The following DSCAM variants were observed in gnomAD, a reference collection of about 807,000 sequenced individuals.
DSCAM encodes cell adhesion molecule DSCAM.
A neutral mutation model predicts 217.7 loss-of-function variants in DSCAM; 47 were observed. The ratio of observed to expected loss-of-function variants is 0.22; its 90% CI spans 0.17 to 0.28. The LOEUF (loss-of-function observed/expected upper bound fraction) is 0.28. DSCAM is among the 10% of genes least tolerant of loss of function. The pLI is 1.00. For missense variants in DSCAM, 2,080 were observed against 2,618.3 expected (o/e 0.79, Z 4.49); for synonymous variants, 1,056 against 1,015.3 (o/e 1.04, Z -0.76).
At chr21:40,057,873 C>CTTTTTTTTTT (rs71186913) in intron 28 of DSCAM, among the ~76,000 whole-genome samples, 5 of 107,208 alleles carry the variant, frequency 4.7e-5, no homozygotes, top group South Asian at 3.5e-4. Context: ...TCACTGCAGT[C>CTTTTTTTTTT]TTTTTTTTTT....
At chr21:40,500,935 G>A (rs1339693962) in intron 3 of DSCAM, among the ~76,000 whole-genome samples, 4 of 151,984 alleles carry the variant, frequency 2.6e-5, no homozygotes, top group African/African-American at 9.7e-5. Context: ...TGGGCTTGGA[G>A]AGGCAATATG....
intron 1 of DSCAM, among the ~76,000 whole-genome samples, chr21:40,800,000 GA>G (rs2091725315): frequency 6.6e-6 from 1 of 152,144 alleles, no homozygotes; most frequent in South Asian, 2.1e-4. Context: ...TCCATTTATT[GA>G]TTAATAGATT....
chr21:40,342,626 G>GTGTGTGTATA (rs1491362590), intron 6 of DSCAM, among the ~76,000 whole-genome samples: 1 of 94,720 alleles, frequency 1.1e-5, no homozygotes, highest in African/African-American at 5.0e-5. Context: ...GTGTGTGTGT[G>GTGTGTGTATA]TATATATATA....
chr21:40,143,021 A>G (rs1018740697), intron 17 of DSCAM, among the ~76,000 whole-genome samples: 4 of 152,168 alleles, frequency 2.6e-5, no homozygotes, highest in African/African-American at 9.7e-5. Context: ...CTGAGTAGAA[A>G]ATCATTGTTT....
intron 18 of DSCAM, among the ~76,000 whole-genome samples, chr21:40,139,810 GGTGT>G (rs748843244): frequency 6.7e-6 from 1 of 150,208 alleles, no homozygotes; most frequent in Middle Eastern, 3.2e-3. Flanking sequence ...GTGTATGTGT[GGTGT>G]GTGTGTGTGG....
intron 1 of DSCAM, among the ~76,000 whole-genome samples, chr21:40,820,796 G>A (rs1361511903): frequency 6.6e-6 from 1 of 152,038 alleles, no homozygotes; most frequent in Non-Finnish European, 1.5e-5. Context: ...CAAGATTTAT[G>A]CCCACTTAAA....
Position 40,276,363 on chromosome 21 carries a change from G to T in DSCAM, c.2183-93C>A, listed in dbSNP as rs557271466. On this transcript the variant is annotated intron_variant, in intron 10 of 32. Transcript: ENST00000400454. ...AGTACACACAGACTCATAAAGAGATGCTTCACACTGATCCCATAAGGCAGT... is the reference window on the plus strand; with the variant it reads ...AGTACACACAGACTCATAAAGAGATTCTTCACACTGATCCCATAAGGCAGT... 9 of 1,142,410 alleles carry T rather than the reference G, an allele frequency of 7.9e-6. No individual in the cohort carries two copies. In the Admixed American group the frequency reaches 9.5e-5, roughly 12 times the overall value. The allele number at this position is 1,142,410 out of a possible 1,614,324, so 70.8% of individuals were successfully genotyped here.
intron 3 of DSCAM, among the ~76,000 whole-genome samples, chr21:40,430,230 A>G (rs550284481): frequency 3.9e-4 from 60 of 152,348 alleles, no homozygotes; most frequent in African/African-American, 1.4e-3. Flanking sequence ...AAGTTGATGT[A>G]GAGACAGCTG....
At chr21:40,608,817 TGTACCAG>T (rs2089276368) in intron 3 of DSCAM, among the ~76,000 whole-genome samples, 1 of 152,210 alleles carries the variant, frequency 6.6e-6, no homozygotes, top group African/African-American at 2.4e-5. Context: ...TGGTTTGAAG[TGTACCAG>T]GGACCTCTTC....
intron 8 of DSCAM, among the ~76,000 whole-genome samples, chr21:40,324,399 C>T (rs1253358785): frequency 2.0e-5 from 3 of 152,002 alleles, no homozygotes; most frequent in Non-Finnish European, 4.4e-5. Flanking sequence ...AGAAGCATGG[C>T]AGTGTCTCCT....
chr21:40,665,672 T>C (rs1328052496), intron 3 of DSCAM, among the ~76,000 whole-genome samples: 5 of 152,186 alleles, frequency 3.3e-5, no homozygotes, highest in African/African-American at 4.8e-5. Context: ...CCCAAGACCA[T>C]AGGCCCATGA....
intron 3 of DSCAM, among the ~76,000 whole-genome samples, chr21:40,610,425 G>C (rs1347175291): frequency 6.6e-6 from 1 of 152,226 alleles, no homozygotes; most frequent in Non-Finnish European, 1.5e-5. Context: ...CCCAGCACGG[G>C]CTGCCCATGA....
intron 4 of DSCAM, among the ~76,000 whole-genome samples, chr21:40,363,928 T>C (rs1261204676): frequency 5.9e-5 from 9 of 152,028 alleles, no homozygotes; most frequent in Non-Finnish European, 1.3e-4. Context: ...CATGAAAAAA[T>C]GCTCATCATC....
At chr21:40,793,628 C>T (rs2091666128) in intron 1 of DSCAM, among the ~76,000 whole-genome samples, 2 of 152,108 alleles carry the variant, frequency 1.3e-5, no homozygotes, top group Middle Eastern at 3.4e-3. Flanking sequence ...GTAGCTGGGA[C>T]TACAGACGCA....
At chr21:40,718,535 C>G (rs1431715635) in intron 1 of DSCAM, among the ~76,000 whole-genome samples, 3 of 152,142 alleles carry the variant, frequency 2.0e-5, no homozygotes, top group African/African-American at 7.2e-5. Flanking sequence ...AAACTTCTAA[C>G]AACCGTCAGA....
At chr21:40,083,504 A>G (rs1184635646) in intron 24 of DSCAM, among the ~76,000 whole-genome samples, 1 of 151,988 alleles carries the variant, frequency 6.6e-6, no homozygotes, top group Non-Finnish European at 1.5e-5. Context: ...GTGCAAATAG[A>G]TTGTTTTACA....
At chr21:40,429,641 T>C (rs976558865) in intron 3 of DSCAM, among the ~76,000 whole-genome samples, 28 of 152,206 alleles carry the variant, frequency 1.8e-4, no homozygotes, top group African/African-American at 6.8e-4. Flanking sequence ...CACTTGTAGT[T>C]TGGAAAGTTG....
Position 40,230,269 on chromosome 21 carries a change from T to C in DSCAM, c.2357-41031A>G, listed in dbSNP as rs145571436. On this transcript the variant is annotated intron_variant, in intron 11 of 32. Coordinates refer to ENST00000400454, the MANE Select transcript of DSCAM (RefSeq NM_001389.5). ...TAAGACTGTGGAGCATTGGTATTAG[T>C]TCTTCTTTAAATGTTTGTTAGAATT... Among the ~76,000 whole-genome samples, 728 of 152,360 alleles carry C rather than the reference T, an allele frequency of 4.8e-3. 4 individuals are homozygous for C. Among genetic ancestry groups the C allele is most frequent in the Non-Finnish European group, 8.1e-3 (549 of 68,032 alleles).
chr21:40,113,448 C>A (rs1426190023), intron 20 of DSCAM, among the ~76,000 whole-genome samples: 1 of 152,124 alleles, frequency 6.6e-6, no homozygotes, highest in Non-Finnish European at 1.5e-5. Context: ...AAACCCACAG[C>A]CAATATCATA....
Sources: gnomAD v4.1 joint callset for allele counts (sites outside exome capture counted in the v4.1 genomes callset) on GRCh38, gnomAD v4.1.1 for gene constraint, MANE v1.5 for transcripts, NCBI Gene and HGNC (gene_info 2026-07-23, HGNC 2026-07-21) for gene names.